The following UNC13A variants were observed in gnomAD, a reference collection of about 807,000 sequenced individuals.
The protein encoded by UNC13A is protein unc-13 homolog A.
Under a neutral mutation model 219.7 loss-of-function variants are expected in UNC13A, and 61 were observed. The observed-to-expected ratio is 0.28, with a 90% CI of 0.23 to 0.34. The LOEUF (loss-of-function observed/expected upper bound fraction) is 0.34, where lower values mean the gene tolerates loss of function less well. Ranked by LOEUF, UNC13A falls within the 10% of genes least tolerant of loss-of-function variation. The probability of loss-of-function intolerance (pLI) is 1.00; values close to 1 mark genes in which losing one functional copy is unlikely to be tolerated. For missense variants in UNC13A, 1,476 were observed against 2,270.3 expected (o/e 0.65, Z 7.11); for synonymous variants, 920 against 884.6 (o/e 1.04, Z -0.71).
chr19:17,659,107 A>AT (rs1293277210), intron 8 of UNC13A, among the ~76,000 whole-genome samples: 1 of 152,148 alleles, frequency 6.6e-6, no homozygotes, highest in African/African-American at 2.4e-5. Flanking sequence ...AATCTTTTTA[A>AT]TTTTTTAACT....
intron 43 of UNC13A, among the ~76,000 whole-genome samples, chr19:17,608,265 A>T (rs36033931): frequency 0.13 from 18,886 of 140,228 alleles, 2,190 homozygotes; most frequent in African/African-American, 0.31. Context: ...TGAAATATAT[A>T]ATATATATAC....
At chr19:17,663,960 T>C (rs2079597380) in intron 7 of UNC13A, among the ~76,000 whole-genome samples, 1 of 148,906 alleles carries the variant, frequency 6.7e-6, no homozygotes, top group Non-Finnish European at 1.5e-5. Flanking sequence ...CATGTTCAGC[T>C]AATGTTTTGG....
In UNC13A at chr19:17,601,960, G is replaced by C. The variant is rs991662477; in HGVS notation, c.*4094C>G. On this transcript the variant is annotated 3_prime_UTR_variant, in exon 44 of 44. Coordinates refer to ENST00000519716, the MANE Select transcript of UNC13A (RefSeq NM_001080421.3). ...AACTTCCCCAGGGTGGCAGAGTTCCGGGAGGCCCCAGGTTGTCCCCATCTG... is the reference window on the plus strand; with the variant it reads ...AACTTCCCCAGGGTGGCAGAGTTCCCGGAGGCCCCAGGTTGTCCCCATCTG... 4 of 152,616 alleles carry C rather than the reference G, an allele frequency of 2.6e-5. No individual in the cohort carries two copies. The highest frequency in any genetic ancestry group is 9.7e-5 in the African/African-American group (4 of 41,416). 9.5% of individuals were successfully genotyped at this position (152,616 alleles called of 1,614,324 possible).
Position 17,674,977 on chromosome 19 carries a change from G to GT in UNC13A, c.53-222dup, listed in dbSNP as rs2079869045. 6.6e-6 allele frequency among the ~76,000 whole-genome samples: 1 copy of GT among 152,142 alleles called. No individual in the cohort carries two copies. The highest frequency in any genetic ancestry group is 6.5e-5 in the Admixed American group (1 of 15,280). ...CTGCTTCGAAATGACCATGCCATTG[G>GT]TTTTCAGCTAAAAAGACTGAGGTCC... On this transcript the variant is annotated intron_variant, in intron 2 of 43. Transcript: ENST00000519716. The surrounding 1 kb of genome is among the most constrained non-coding windows in gnomAD (Gnocchi z 5.0).
intron 20 of UNC13A, among the ~76,000 whole-genome samples, chr19:17,642,035 T>TCCATCCAC (rs1220664519): frequency 6.6e-6 from 1 of 151,598 alleles, no homozygotes; most frequent in Non-Finnish European, 1.5e-5. Context: ...TGCCTATACA[T>TCCATCCAC]CCATCCATCC....
intron 2 of UNC13A, among the ~76,000 whole-genome samples, chr19:17,675,129 A>T (rs572907813): frequency 5.5e-4 from 83 of 151,932 alleles, no homozygotes; most frequent in African/African-American, 2.0e-3. Flanking sequence ...GCAGTTCAAG[A>T]CCAGCCTGGG....
At chr19:17,619,307 G>A (rs1191822776) in intron 38 of UNC13A, among the ~76,000 whole-genome samples, 1 of 152,126 alleles carries the variant, frequency 6.6e-6, no homozygotes, top group Non-Finnish European at 1.5e-5. Flanking sequence ...GGAGCTTTGG[G>A]AACACAATAG....
At chr19:17,655,204 CAT>C (rs930052475) in intron 11 of UNC13A, 68 bp downstream of exon 11, 101 of 1,334,848 alleles carry the variant, frequency 7.6e-5, no homozygotes, top group African/African-American at 5.1e-4. Context: ...GTGGCCAAAA[CAT>C]GTGTGGGCCT....
chr19:17,627,074 C>A lies in UNC13A; in HGVS notation c.3921-289G>T, dbSNP rs1351549024. On this transcript the variant is annotated intron_variant, in intron 33 of 43. Coordinates refer to ENST00000519716, the MANE Select transcript of UNC13A (RefSeq NM_001080421.3). This position sits in a 1 kb window ranked among gnomAD's most constrained non-coding sequence, Gnocchi z 4.7. ...GGGTGTGGTGGCATGCACCTGTAGT[C>A]CCAGCTACTTGAACCCAGGAAGTGG... 2.0e-5 allele frequency among the ~76,000 whole-genome samples: 3 copies of A among 152,006 alleles called. No homozygotes were observed. The highest frequency in any genetic ancestry group is 4.4e-5 in the Non-Finnish European group (3 of 68,002).
chr19:17,652,763 T>C, intron 11 of UNC13A, 86 bp from the exon 12 acceptor site: 1 of 1,499,980 alleles, frequency 6.7e-7, no homozygotes, highest in Admixed American at 1.7e-5. Context: ...GACTCCCCTC[T>C]GGGCTGGGAG....
At chr19:17,625,000 C>T in intron 34 of UNC13A, 48 bp from the exon 35 acceptor site, 1 of 1,591,104 alleles carries the variant, frequency 6.3e-7, no homozygotes, top group Non-Finnish European at 8.6e-7. Flanking sequence ...CGCCCCCACC[C>T]ACAGATCACC....
At chr19:17,641,687 T>TTTTTTTTTTTTTTTGAGACGGAGTCTCG in intron 20 of UNC13A, 131 bp from the exon 21 acceptor site, 2 of 956,062 alleles carry the variant, frequency 2.1e-6, no homozygotes, top group Non-Finnish European at 3.1e-6. Context: ...TACTCTTTTA[T>TTTTTTTTTTTTTTTGAGACGGAGTCTCG]CCATCCACAC....
intron 19 of UNC13A, among the ~76,000 whole-genome samples, chr19:17,645,389 C>T (rs1414934376): frequency 6.6e-6 from 1 of 152,042 alleles, no homozygotes; most frequent in Non-Finnish European, 1.5e-5. Flanking sequence ...ACTAGGATTC[C>T]CAGTTCTTGC....
chr19:17,656,496 T>A, intron 9 of UNC13A, 98 bp from the exon 10 acceptor site: 1 of 1,230,868 alleles, frequency 8.1e-7, no homozygotes, highest in Non-Finnish European at 1.1e-6. Flanking sequence ...ACTGAGCACC[T>A]ACGATGTGCC....
chr19:17,676,170 G>A, intron 1 of UNC13A, 129 bp from the exon 2 acceptor site: 2 of 1,022,926 alleles, frequency 2.0e-6, no homozygotes, highest in Non-Finnish European at 3.0e-6. Context: ...GGAGAGACAG[G>A]CAAAGATAAA....
In UNC13A at chr19:17,674,785, T is replaced by C. The variant is rs1210656480; in HGVS notation, c.53-29A>G. On this transcript the variant is annotated intron_variant, in intron 2 of 43. Coordinates refer to ENST00000519716, the MANE Select transcript of UNC13A (RefSeq NM_001080421.3). The surrounding 1 kb of genome is among the most constrained non-coding windows in gnomAD (Gnocchi z 5.0). Reference sequence around the variant, plus strand: ...TGGCAGTGAGAGTAGGGGTCAGCGCTGGGGCTCAGGGACTCTCCAATGCCC... The same window carrying C: ...TGGCAGTGAGAGTAGGGGTCAGCGCCGGGGCTCAGGGACTCTCCAATGCCC... 9.4e-6 allele frequency: 15 copies of C among 1,589,822 alleles called. No homozygotes were observed. The highest frequency in any genetic ancestry group is 2.7e-5 in the African/African-American group (2 of 74,364).
intron 8 of UNC13A, among the ~76,000 whole-genome samples, chr19:17,660,210 C>A (rs1368009543): frequency 1.3e-5 from 2 of 152,088 alleles, no homozygotes; most frequent in African/African-American, 4.8e-5. Context: ...AGCATTCTTT[C>A]TATCCAATTG....
rs560948878 is a variant in UNC13A at position 17,605,805 on chromosome 19, G to A, written c.*249C>T. On this transcript the variant is annotated 3_prime_UTR_variant, in exon 44 of 44. Transcript: ENST00000519716. ...AATGCCCCCTAGGTGCTGGGGGCGTGGCCTCAAGTTGGGGATGTGGCTCCT... is the reference window on the plus strand; with the variant it reads ...AATGCCCCCTAGGTGCTGGGGGCGTAGCCTCAAGTTGGGGATGTGGCTCCT... The A allele has an allele frequency of 1.7e-4, 75 of 438,752 alleles. No homozygotes were observed. Among genetic ancestry groups the A allele is most frequent in the Non-Finnish European group, 2.7e-4 (68 of 251,954 alleles). 27.2% of individuals were successfully genotyped at this position (438,752 alleles called of 1,614,324 possible). A position where few individuals can be genotyped will look rare whatever the true frequency, so the allele number is the denominator to read the frequency against.
intron 28 of UNC13A, among the ~76,000 whole-genome samples, chr19:17,631,182 CCTTCCT>C (rs2076846400): frequency 1.6e-4 from 2 of 12,836 alleles, no homozygotes; most frequent in Non-Finnish European, 3.9e-4. Context: ...TCCCTCCTTT[CCTTCCT>C]TCCCTCCCTC....
Sources: allele counts gnomAD v4.1 joint callset (sites outside exome capture counted in the v4.1 genomes callset), GRCh38; gene constraint gnomAD v4.1.1; non-coding constraint Gnocchi (gnomAD v3.1); transcripts MANE v1.5; gene names NCBI Gene and HGNC (gene_info 2026-07-23, HGNC 2026-07-21).